The following AK5 variants were observed in gnomAD, a reference collection of about 807,000 sequenced individuals.
AK5 encodes adenylate kinase 5.
AK5 carries 27 observed loss-of-function variants against 69.5 expected under a neutral mutation model. The observed-to-expected ratio is 0.39, with a 90% CI of 0.29 to 0.54. The LOEUF (loss-of-function observed/expected upper bound fraction) is 0.54. AK5 is among the 20% of genes least tolerant of loss of function. The pLI is 0.71. For missense variants in AK5, 531 were observed against 700.4 expected, an observed-to-expected ratio of 0.76 and a Z score of 2.73; for synonymous variants, 260 against 244.4, an observed-to-expected ratio of 1.06 and a Z score of -0.60.
chr1:77,547,345 C>T (rs2100387234), intron 13 of AK5, among the ~76,000 whole-genome samples: 2 of 139,922 alleles, frequency 1.4e-5, no homozygotes, highest in Middle Eastern at 8.8e-3. Context: ...ACGATCTCAG[C>T]TCACTGCAAC....
chr1:77,510,191 G>C (rs1053674742), intron 10 of AK5, among the ~76,000 whole-genome samples: 1 of 152,160 alleles, frequency 6.6e-6, no homozygotes, highest in Non-Finnish European at 1.5e-5. Context: ...ATGACACTGG[G>C]CCAGGTTCTG....
chr1:77,509,246 GT>G (rs1557644099), intron 10 of AK5, among the ~76,000 whole-genome samples: 1 of 152,186 alleles, frequency 6.6e-6, no homozygotes, highest in African/African-American at 2.4e-5. Flanking sequence ...CCCATTTAAA[GT>G]TTTTCCATAT....
intron 8 of AK5, among the ~76,000 whole-genome samples, chr1:77,454,159 AC>A (rs1557604679): frequency 6.6e-6 from 1 of 152,146 alleles, no homozygotes; most frequent in South Asian, 2.1e-4. Context: ...GACAGTTGAG[AC>A]CCCAGCTAGA....
intron 8 of AK5, among the ~76,000 whole-genome samples, chr1:77,467,317 T>A (rs896926279): frequency 6.6e-6 from 1 of 152,222 alleles, no homozygotes; most frequent in African/African-American, 2.4e-5. Context: ...TGGGTTTCTG[T>A]GAACAGACTC....
chr1:77,403,998 T>A (rs1570511211), intron 6 of AK5, among the ~76,000 whole-genome samples: 1 of 152,342 alleles, frequency 6.6e-6, no homozygotes, highest in South Asian at 2.1e-4. Flanking sequence ...TAGTTCTCCT[T>A]GAAGAGGTCC....
intron 6 of AK5, among the ~76,000 whole-genome samples, chr1:77,361,701 G>GA (rs1400794874): frequency 2.0e-5 from 3 of 152,200 alleles, no homozygotes; most frequent in Non-Finnish European, 4.4e-5. Flanking sequence ...AGAAGGCAAA[G>GA]AGGAGCAAGT....
At chr1:77,498,480 G>GCAA (rs934151754) in intron 10 of AK5, among the ~76,000 whole-genome samples, 46 of 152,320 alleles carry the variant, frequency 3.0e-4, no homozygotes, top group African/African-American at 1.1e-3. Flanking sequence ...CTAGTCAAAA[G>GCAA]CAACACTACA....
chr1:77,477,678 G>A (rs552714325), intron 8 of AK5, among the ~76,000 whole-genome samples: 1 of 151,756 alleles, frequency 6.6e-6, no homozygotes, highest in East Asian at 1.9e-4. Flanking sequence ...GCATTTTGAA[G>A]TTATCTATGT....
At chr1:77,414,881 TATTAAA>T (rs1161228373) in intron 7 of AK5, among the ~76,000 whole-genome samples, 1 of 152,174 alleles carries the variant, frequency 6.6e-6, no homozygotes, top group African/African-American at 2.4e-5. Context: ...CTTAGAGTAT[TATTAAA>T]GGTCCCATTT....
At chr1:77,519,979 G>GA (rs1378648622) in intron 11 of AK5, among the ~76,000 whole-genome samples, 1 of 152,114 alleles carries the variant, frequency 6.6e-6, no homozygotes, top group Non-Finnish European at 1.5e-5. Flanking sequence ...CGAGGCAGGT[G>GA]AATCACGAGG....
At chr1:77,285,763 T>A (rs1373546801) in intron 1 of AK5, among the ~76,000 whole-genome samples, 3 of 152,210 alleles carry the variant, frequency 2.0e-5, no homozygotes, top group Non-Finnish European at 4.4e-5. Flanking sequence ...GATATCGTAG[T>A]GACTTACTCT....
intron 8 of AK5, among the ~76,000 whole-genome samples, chr1:77,421,999 C>T (rs1650846350): frequency 6.6e-6 from 1 of 152,206 alleles, no homozygotes; most frequent in Admixed American, 6.5e-5. Flanking sequence ...TTGAATTCAA[C>T]ATGTCCAAAA....
chr1:77,407,082 A>T (rs199530036), intron 6 of AK5, among the ~76,000 whole-genome samples: 1 of 384 alleles, frequency 2.6e-3, no homozygotes, highest in Non-Finnish European at 0.017. Context: ...TAATGAGGTA[A>T]AAAAAAAAAA....
chr1:77,457,688 G>A (rs1233506154), intron 8 of AK5, among the ~76,000 whole-genome samples: 1 of 151,748 alleles, frequency 6.6e-6, no homozygotes, highest in Non-Finnish European at 1.5e-5. Context: ...GTTTCCTTTG[G>A]ATTTTGTTTA....
chr1:77,448,439 T>C (rs1652892883), intron 8 of AK5, among the ~76,000 whole-genome samples: 1 of 152,162 alleles, frequency 6.6e-6, no homozygotes, highest in African/African-American at 2.4e-5. Flanking sequence ...TGGGATGACC[T>C]GCCTGTGGAC....
At chr1:77,367,599 A>AATATATATGTTATATATATTTT (rs1646988388) in intron 6 of AK5, among the ~76,000 whole-genome samples, 1 of 63,130 alleles carries the variant, frequency 1.6e-5, no homozygotes, top group African/African-American at 7.5e-5. Context: ...TTATATATGT[A>AATATATATGTTATATATATTTT]ATATATATGT....
At chr1:77,398,158 C>T (rs1433502348) in intron 6 of AK5, among the ~76,000 whole-genome samples, 1 of 151,856 alleles carries the variant, frequency 6.6e-6, no homozygotes, top group African/African-American at 2.4e-5. Flanking sequence ...ATCACATGGA[C>T]TTAAACAAGT....
At chr1:77,338,293 T>C (rs1047281770) in intron 5 of AK5, among the ~76,000 whole-genome samples, 2 of 152,180 alleles carry the variant, frequency 1.3e-5, no homozygotes, top group African/African-American at 2.4e-5. Context: ...ACAAAATCAA[T>C]AGGCAACAGT....
chr1:77,508,863 T>C (rs1657165664), intron 10 of AK5, among the ~76,000 whole-genome samples: 1 of 109,118 alleles, frequency 9.2e-6, no homozygotes, highest in Admixed American at 9.3e-5. Context: ...CGAGACTCCA[T>C]CTCAAAAAAA....
Sources: allele counts gnomAD v4.1 joint callset (sites outside exome capture counted in the v4.1 genomes callset), GRCh38; gene constraint gnomAD v4.1.1; transcripts MANE v1.5; gene names NCBI Gene and HGNC (gene_info 2026-07-23, HGNC 2026-07-21).